The following STK33 variants were observed in gnomAD, a reference collection of about 807,000 sequenced individuals.
STK33 encodes serine/threonine-protein kinase 33.
Under a neutral mutation model 58.0 loss-of-function variants are expected in STK33, and 52 were observed. That is an observed-to-expected ratio of 0.90 (90% confidence interval 0.72 to 1.13). The LOEUF (loss-of-function observed/expected upper bound fraction) is 1.13. STK33 is among the 50% of genes most tolerant of loss of function. STK33 has a pLI of 0.00. For missense variants in STK33, 630 were observed against 604.2 expected (o/e 1.04, Z -0.45); for synonymous variants, 215 against 200.1 (o/e 1.07, Z -0.63).
chr11:8,548,349 G>A (rs868007033), intron 1 of STK33, among the ~76,000 whole-genome samples: 6 of 152,200 alleles, frequency 3.9e-5, no homozygotes, highest in Admixed American at 1.3e-4. Context: ...CCCCAGTATC[G>A]TGTATTAAAG....
chr11:8,553,251 G>GATAT (rs111734670), intron 1 of STK33, among the ~76,000 whole-genome samples: 21 of 112,592 alleles, frequency 1.9e-4, no homozygotes, highest in South Asian at 5.8e-4. Flanking sequence ...TGATATATAT[G>GATAT]ATATATATAT....
intron 1 of STK33, among the ~76,000 whole-genome samples, chr11:8,525,182 CT>C: frequency 6.6e-6 from 1 of 152,236 alleles, no homozygotes; most frequent in South Asian, 2.1e-4. Context: ...GAAGCTCCCC[CT>C]AAGCTGATCT....
At chr11:8,436,270 C>A in intron 12 of STK33, 131 bp from the exon 13 acceptor site, 1 of 479,526 alleles carries the variant, frequency 2.1e-6, no homozygotes, top group Admixed American at 3.7e-5. Context: ...AGATGGGTAC[C>A]TCCCTGGAAG....
At chr11:8,402,703 C>T (rs1431402210) in intron 15 of STK33, among the ~76,000 whole-genome samples, 11 of 152,180 alleles carry the variant, frequency 7.2e-5, no homozygotes, top group Admixed American at 5.9e-4. Context: ...GCTGAATGGC[C>T]ACCATGGTGC....
chr11:8,427,590 T>G (rs751522105), intron 14 of STK33, among the ~76,000 whole-genome samples: 17 of 152,114 alleles, frequency 1.1e-4, no homozygotes, highest in Admixed American at 5.9e-4. Flanking sequence ...AGATGGATTT[T>G]GGCACTTTTA....
chr11:8,582,585 A>G (rs561111969), intron 1 of STK33, among the ~76,000 whole-genome samples: 2 of 152,282 alleles, frequency 1.3e-5, no homozygotes, highest in African/African-American at 4.8e-5. Flanking sequence ...GGAAACTGTC[A>G]CCATGATTCA....
At position 8,504,030 on chromosome 11, in the gene STK33, C is replaced by T. The variant is rs1325034827; in HGVS notation, c.-465-23416G>A. Among the ~76,000 whole-genome samples the T allele has an allele frequency of 2.6e-5, 4 of 152,178 alleles. No individual in the cohort carries two copies. The East Asian group carries it at 7.7e-4, about 29-fold the overall frequency. On this transcript the variant is annotated intron_variant, in intron 1 of 15. Transcript: ENST00000687296. ...TCACAATGGACTTTAAAACTGTACT[C>T]CTTAAGTTCCCAGTGGCTAAAAATA... is the stretch of plus-strand genomic sequence containing the variant.
At chr11:8,374,153 C>A in the STK33 span, among the ~76,000 whole-genome samples, 3 of 152,214 alleles carry the variant, frequency 2.0e-5, no homozygotes, top group South Asian at 4.1e-4. Flanking sequence ...GCTGCCAGGG[C>A]TGACTTTCTG....
chr11:8,364,466 G>A, the STK33 span, among the ~76,000 whole-genome samples: 262 of 152,242 alleles, frequency 1.7e-3, 2 homozygotes, highest in African/African-American at 6.1e-3. Flanking sequence ...AATCACCAAC[G>A]GCCTTAGAAA....
rs569565033 is a variant in STK33, at chr11:8,404,926, G to A, written c.1344+8569C>T. On this transcript the variant is annotated intron_variant, in intron 15 of 15. Transcript: ENST00000687296. ...GAGGCCAAGGTAGGCGGATCGCGAG[G>A]TCAGGAGATAGAGACCATCCTGACT... 9.8e-5 allele frequency among the ~76,000 whole-genome samples: 15 copies of A among 152,298 alleles called. No individual in the cohort carries two copies. In the East Asian group the frequency reaches 2.9e-3, roughly 29 times the overall value.
chr11:8,547,980 G>A (rs1956056101), intron 1 of STK33, among the ~76,000 whole-genome samples: 1 of 150,540 alleles, frequency 6.6e-6, no homozygotes, highest in South Asian at 2.1e-4. Context: ...CTTGGACACT[G>A]GATGGGGAAC....
At chr11:8,340,767 T>G in the STK33 span, among the ~76,000 whole-genome samples, 1 of 152,208 alleles carries the variant, frequency 6.6e-6, no homozygotes, top group Non-Finnish European at 1.5e-5. Flanking sequence ...TGGAGCTCTA[T>G]GCACCCCTGT....
intron 1 of STK33, among the ~76,000 whole-genome samples, chr11:8,573,165 C>T (rs928842010): frequency 6.6e-6 from 1 of 152,162 alleles, no homozygotes; most frequent in Non-Finnish European, 1.5e-5. Context: ...AAGACAATTA[C>T]AGGCTGAGAA....
At chr11:8,391,141 GA>G (rs1848615664), downstream of STK33, among the ~76,000 whole-genome samples, 1 of 152,166 alleles carries the variant, frequency 6.6e-6, no homozygotes, top group Non-Finnish European at 1.5e-5. Flanking sequence ...CAGGTGAACA[GA>G]ACACGCCCTT....
rs867438237 is a variant in STK33, at chr11:8,542,988, G to C, written c.-466+51095C>G. Among the ~76,000 whole-genome samples, 5 of 152,288 alleles carry C rather than the reference G, an allele frequency of 3.3e-5. No homozygotes were observed. The South Asian group carries it at 8.3e-4, about 25-fold the overall frequency. On this transcript the variant is annotated intron_variant, in intron 1 of 15. Transcript: ENST00000687296. Reference sequence around the variant, plus strand: ...AGCCTCCCAAAGTGCTGGGACTACAGACATGAGCCACTGCACCCGGCCTGG... The same window carrying C: ...AGCCTCCCAAAGTGCTGGGACTACACACATGAGCCACTGCACCCGGCCTGG...
intron 1 of STK33, among the ~76,000 whole-genome samples, chr11:8,554,183 G>A (rs1591768617): frequency 6.6e-6 from 1 of 152,202 alleles, no homozygotes; most frequent in African/African-American, 2.4e-5. Context: ...ACTTTGGGAG[G>A]GTGAGGCAGG....
chr11:8,344,230 C>CACACACACACACA, the STK33 span, among the ~76,000 whole-genome samples: 37 of 147,584 alleles, frequency 2.5e-4, no homozygotes, highest in South Asian at 1.1e-3. Context: ...CACACACACA[C>CACACACACACACA]CCCAGTTAGC....
At chr11:8,526,193 T>C (rs1044704346) in intron 1 of STK33, among the ~76,000 whole-genome samples, 2 of 152,084 alleles carry the variant, frequency 1.3e-5, no homozygotes, top group African/African-American at 4.8e-5. Context: ...AGTCAAGAGA[T>C]TGAGACCATT....
At chr11:8,464,555 G>A (rs936527892) in intron 7 of STK33, among the ~76,000 whole-genome samples, 154 bp downstream of exon 7, 1 of 152,064 alleles carries the variant, frequency 6.6e-6, no homozygotes, top group African/African-American at 2.4e-5. Flanking sequence ...CCCTTTCCGG[G>A]AGGCTAGAGA....
Sources: gnomAD v4.1 joint callset for allele counts (sites outside exome capture counted in the v4.1 genomes callset) on GRCh38, gnomAD v4.1.1 for gene constraint, MANE v1.5 for transcripts, NCBI Gene and HGNC (gene_info 2026-07-23, HGNC 2026-07-21) for gene names.